The following LMO1 variants were observed in gnomAD, a reference collection of about 807,000 sequenced individuals.
LMO1 encodes LIM domain only 1.
A neutral mutation model predicts 18.0 loss-of-function variants in LMO1; 10 were observed. That is an observed-to-expected ratio of 0.55 (90% confidence interval 0.34 to 0.94). LMO1 has a LOEUF of 0.94. Among genes scored for constraint, LMO1 ranks in the 40% least tolerant of loss-of-function variants. The pLI is 0.02. For synonymous variants in LMO1, 77 were observed against 77.9 expected, an observed-to-expected ratio of 0.99 and a Z score of 0.06; for missense variants, 183 against 205.7, an observed-to-expected ratio of 0.89 and a Z score of 0.68.
chr11:8,230,285 G>T lies in LMO1; in HGVS notation c.239+6C>A, dbSNP rs1486837441. 2 of 1,612,842 alleles carry T rather than the reference G, an allele frequency of 1.2e-6. No individual in the cohort carries two copies. The highest frequency in any genetic ancestry group is 1.7e-6 in the Non-Finnish European group (2 of 1,179,644). ...GGGCTTGGGAGGCCAGGGTTTGGCA[G>T]CCCACCTCAGGTAGTCGCGTCGGCA... On this transcript the variant is annotated splice_donor_region_variant and intron_variant, in intron 2 of 3. Coordinates refer to ENST00000335790, the MANE Select transcript of LMO1 (RefSeq NM_002315.3).
chr11:8,240,487 CCA>C (rs758956787), intron 1 of LMO1, among the ~76,000 whole-genome samples: 3 of 152,130 alleles, frequency 2.0e-5, no homozygotes, highest in East Asian at 3.9e-4. Context: ...TAACAGAATA[CCA>C]CAGACTGGGT....
upstream of LMO1, among the ~76,000 whole-genome samples, chr11:8,265,581 TA>T (rs1477339315): frequency 6.6e-6 from 1 of 152,192 alleles, no homozygotes; most frequent in Admixed American, 6.5e-5. Flanking sequence ...TGATGTTAAA[TA>T]TATCATTTTG....
In LMO1 at chr11:8,226,697, T is replaced by C. The variant is rs1444946677; in HGVS notation, c.365+278A>G. Among the ~76,000 whole-genome samples the C allele has an allele frequency of 2.0e-5, 3 of 152,360 alleles. No homozygotes were observed. The East Asian group carries it at 5.8e-4, about 29-fold the overall frequency. ...ATGCATGCACATGCACACTCAACTA[T>C]GCATACACAGTAAACTCATGCACGC... On this transcript the variant is annotated intron_variant, in intron 3 of 3. Transcript: ENST00000335790.
chr11:8,245,164 G>A (rs968060028), intron 1 of LMO1, among the ~76,000 whole-genome samples: 5 of 152,154 alleles, frequency 3.3e-5, no homozygotes, highest in Non-Finnish European at 7.3e-5. Context: ...AAGTCACACA[G>A]CTCAAAATGG....
intron 1 of LMO1, among the ~76,000 whole-genome samples, chr11:8,262,249 T>C (rs1847198486): frequency 6.6e-6 from 1 of 152,188 alleles, no homozygotes; most frequent in Non-Finnish European, 1.5e-5. Context: ...AAACCTACCC[T>C]TTCGGTACCT....
chr11:8,237,397 A>G (rs1952778569), intron 1 of LMO1, among the ~76,000 whole-genome samples: 1 of 152,202 alleles, frequency 6.6e-6, no homozygotes, highest in African/African-American at 2.4e-5. Context: ...GCACGGACAC[A>G]TCCAGCCTTG....
chr11:8,245,137 G>A (rs1415780508), intron 1 of LMO1, among the ~76,000 whole-genome samples: 1 of 152,184 alleles, frequency 6.6e-6, no homozygotes, highest in Non-Finnish European at 1.5e-5. Flanking sequence ...GCTCAGAGAG[G>A]TGGAACAACT....
At position 8,230,590 on chromosome 11, in the gene LMO1, C is replaced by A. The variant is rs1043097689; in HGVS notation, c.26-86G>T. On this transcript the variant is annotated intron_variant, in intron 1 of 3. Transcript: ENST00000335790. ...ATATCCCCCAAGAATGGGGAGCTCA[C>A]TGCTTCTCTCTGCTGCCCCCTCTAG... The A allele has an allele frequency of 3.8e-6, 5 of 1,317,844 alleles. No homozygotes were observed. In the African/African-American group the frequency reaches 7.2e-5, roughly 19 times the overall value. The allele number at this position is 1,317,844 out of a possible 1,614,324, so 81.6% of individuals were successfully genotyped here.
intron 1 of LMO1, among the ~76,000 whole-genome samples, chr11:8,238,768 A>G (rs923240697): frequency 6.6e-6 from 1 of 152,094 alleles, no homozygotes; most frequent in African/African-American, 2.4e-5. Context: ...GTGTACTGAA[A>G]ATGTCCTATG....
At chr11:8,251,332 A>G (rs915961624) in intron 1 of LMO1, among the ~76,000 whole-genome samples, 3 of 152,142 alleles carry the variant, frequency 2.0e-5, no homozygotes, top group Non-Finnish European at 4.4e-5. Flanking sequence ...TGTTTATGGG[A>G]GTGCTCCAGC....
chr11:8,231,819 C>T (rs570709632), intron 1 of LMO1, among the ~76,000 whole-genome samples: 2 of 152,138 alleles, frequency 1.3e-5, no homozygotes, highest in African/African-American at 4.8e-5. Context: ...CTGCCCCCAG[C>T]CCAGAGTCTG....
At chr11:8,241,350 C>T (rs1846788236) in intron 1 of LMO1, among the ~76,000 whole-genome samples, 1 of 152,250 alleles carries the variant, frequency 6.6e-6, no homozygotes, top group South Asian at 2.1e-4. Flanking sequence ...TGTCTGGTAC[C>T]CACAGCCAAT....
chr11:8,235,403 C>G (rs1011400574), intron 1 of LMO1, among the ~76,000 whole-genome samples: 1 of 152,188 alleles, frequency 6.6e-6, no homozygotes, highest in African/African-American at 2.4e-5. Context: ...CTCTATACCC[C>G]CTAATACTTT....
chr11:8,256,231 A>G (rs1263973732), intron 1 of LMO1, among the ~76,000 whole-genome samples: 2 of 152,264 alleles, frequency 1.3e-5, no homozygotes, highest in African/African-American at 2.4e-5. Context: ...AACTGTACAG[A>G]GAGCAATGTC....
chr11:8,268,025 G>A (rs1847278274), upstream of LMO1, among the ~76,000 whole-genome samples: 1 of 152,250 alleles, frequency 6.6e-6, no homozygotes, highest in African/African-American at 2.4e-5. Context: ...GAAGGGGAAC[G>A]TGCAGACACC....
intron 1 of LMO1, among the ~76,000 whole-genome samples, chr11:8,241,829 C>A (rs1050156763): frequency 6.6e-6 from 1 of 151,748 alleles, no homozygotes; most frequent in Non-Finnish European, 1.5e-5. Flanking sequence ...ATTGGGTACT[C>A]TCATAAGAAC....
In LMO1 at chr11:8,230,354, C is replaced by G; in HGVS notation, c.176G>C (p.Gly59Ala). 1 of 1,614,084 alleles carries G rather than the reference C, an allele frequency of 6.2e-7. No individual in the cohort carries two copies. Residue 59 changes from glycine to alanine, a missense_variant, in exon 2 of 4, where the codon GGC (glycine) becomes GCC (alanine). Coordinates refer to ENST00000335790, the MANE Select transcript of LMO1 (RefSeq NM_002315.3). ...GGTGTAGAGGGTGGAGCCCACCTCG[C>G]CCAGGCGGCAGTCACAGCAGGCACA... ...LKCACCDCRL[G>A]EVGSTLYTKA...
upstream of LMO1, among the ~76,000 whole-genome samples, chr11:8,267,809 C>G (rs892014823): frequency 6.6e-6 from 1 of 152,236 alleles, no homozygotes; most frequent in African/African-American, 2.4e-5. Flanking sequence ...GCCAGCGTGG[C>G]ACCTCCCAAC....
chr11:8,234,345 C>T (rs1952723391), intron 1 of LMO1, among the ~76,000 whole-genome samples: 1 of 151,990 alleles, frequency 6.6e-6, no homozygotes, highest in Non-Finnish European at 1.5e-5. Flanking sequence ...CCCACTCTCT[C>T]CCTCCAGCCC....
Sources: allele counts gnomAD v4.1 joint callset (sites outside exome capture counted in the v4.1 genomes callset), GRCh38; gene constraint gnomAD v4.1.1; transcripts MANE v1.5; gene names NCBI Gene and HGNC (gene_info 2026-07-23, HGNC 2026-07-21).